MYRIP: variants seen among roughly 807,000 people sequenced by gnomAD.
The protein encoded by MYRIP is rab effector MyRIP.
Under a neutral mutation model 98.0 loss-of-function variants are expected in MYRIP, and 49 were observed. The ratio of observed to expected loss-of-function variants is 0.50; its 90% CI spans 0.40 to 0.63. The LOEUF is 0.63. Among genes scored for constraint, MYRIP ranks in the 30% least tolerant of loss-of-function variants. MYRIP has a pLI of 0.00. For synonymous variants in MYRIP, 404 were observed against 409.5 expected (o/e 0.99, Z 0.16); for missense variants, 1,004 against 1,058.2 (o/e 0.95, Z 0.71).
At chr3:39,901,014 C>A in intron 2 of MYRIP, 88 bp downstream of exon 2, 1 of 952,190 alleles carries the variant, frequency 1.1e-6, no homozygotes, top group Non-Finnish European at 1.6e-6. Flanking sequence ...CTCCTGCTAG[C>A]CCTGAGTTTG....
intron 2 of MYRIP, among the ~76,000 whole-genome samples, chr3:39,939,492 A>C (rs539118819): frequency 6.6e-6 from 1 of 152,300 alleles, no homozygotes; most frequent in East Asian, 1.9e-4. Context: ...ACACGTGCTT[A>C]TCTGCACGTG....
intron 10 of MYRIP, among the ~76,000 whole-genome samples, chr3:40,198,472 A>T (rs750262576): frequency 2.6e-5 from 4 of 152,154 alleles, no homozygotes; most frequent in African/African-American, 7.2e-5. Context: ...TATATTTAAT[A>T]AAAAAAATTT....
rs147213096 is a variant in MYRIP at position 40,135,687 on chromosome 3, C to T, written c.333-15361C>T. On this transcript the variant is annotated intron_variant, in intron 3 of 16. Transcript: ENST00000302541. ...CCATCAGACTAACAGCTGATCTCTC[C>T]GCAGAAACTCTGCAAGCCAGAAGAC... is the stretch of plus-strand genomic sequence containing the variant. Among the ~76,000 whole-genome samples, 11 of 152,200 alleles carry T rather than the reference C, an allele frequency of 7.2e-5. No homozygotes were observed. The East Asian group carries it at 7.7e-4, about 11-fold the overall frequency.
intron 7 of MYRIP, 138 bp downstream of exon 7, chr3:40,167,377 C>A (rs966802405): frequency 5.2e-6 from 4 of 770,948 alleles, no homozygotes; most frequent in Admixed American, 2.3e-5. Flanking sequence ...GACTTTTGTG[C>A]CCTGGGGACC....
intron 3 of MYRIP, among the ~76,000 whole-genome samples, chr3:40,127,222 T>C (rs1224850319): frequency 6.6e-6 from 1 of 152,240 alleles, no homozygotes; most frequent in African/African-American, 2.4e-5. Context: ...TTAACTATAT[T>C]CAGGTTCTAT....
chr3:40,155,758 T>C (rs1950220735), intron 4 of MYRIP, among the ~76,000 whole-genome samples: 3 of 152,122 alleles, frequency 2.0e-5, no homozygotes, highest in Admixed American at 2.0e-4. Context: ...GCGAGCATTT[T>C]TTCATGTGTT....
At chr3:40,256,149 A>G (rs1224527007) in intron 16 of MYRIP, among the ~76,000 whole-genome samples, 1 of 152,222 alleles carries the variant, frequency 6.6e-6, no homozygotes, top group Non-Finnish European at 1.5e-5. Flanking sequence ...AAATAGCCAC[A>G]TGTAGCTAGT....
At chr3:39,851,380 G>A (rs1389442066) in intron 1 of MYRIP, among the ~76,000 whole-genome samples, 5 of 152,124 alleles carry the variant, frequency 3.3e-5, no homozygotes, top group South Asian at 2.1e-4. Context: ...GAGAATCACT[G>A]GTTTAGTCCA....
At chr3:40,068,765 G>A (rs544838083) in intron 3 of MYRIP, among the ~76,000 whole-genome samples, 16 of 152,252 alleles carry the variant, frequency 1.1e-4, no homozygotes, top group East Asian at 5.8e-4. Context: ...GTTCTAACCC[G>A]TTTCCCCATT....
At position 39,917,027 on chromosome 3, in the gene MYRIP, C is replaced by T. The variant is rs79717948; in HGVS notation, c.110+16101C>T. 8.0e-3 allele frequency among the ~76,000 whole-genome samples: 1,212 copies of T among 152,200 alleles called. 12 individuals carry two copies. Among genetic ancestry groups the T allele is most frequent in the African/African-American group, 0.028 (1,143 of 41,530 alleles). The stretch of plus-strand genomic sequence containing the variant: ...TAACCATTTAAAGCCAAAACTCTCC[C>T]TGAGCAATTGACTAAGTAACTGGTT... On this transcript the variant is annotated intron_variant, in intron 2 of 16. Coordinates refer to ENST00000302541, the MANE Select transcript of MYRIP (RefSeq NM_015460.4).
At chr3:40,077,125 G>A (rs4337589) in intron 3 of MYRIP, among the ~76,000 whole-genome samples, 62,826 of 151,820 alleles carry the variant, frequency 0.41, 13,569 homozygotes, top group Admixed American at 0.48. Context: ...TCCTTCTGGC[G>A]GGTTCGTGGT....
intron 2 of MYRIP, among the ~76,000 whole-genome samples, chr3:39,975,162 A>C (rs1475312647): frequency 1.3e-5 from 2 of 152,226 alleles, no homozygotes; most frequent in Non-Finnish European, 2.9e-5. Flanking sequence ...GTCTCAGCCC[A>C]AAATCTCCTT....
At chr3:40,155,407 T>C (rs1201970449) in intron 4 of MYRIP, among the ~76,000 whole-genome samples, 1 of 151,696 alleles carries the variant, frequency 6.6e-6, no homozygotes, top group African/African-American at 2.4e-5. Context: ...GACATTTGGG[T>C]TGGTTCCAAG....
chr3:40,216,812 A>T (rs965350535), intron 11 of MYRIP, among the ~76,000 whole-genome samples: 8 of 152,192 alleles, frequency 5.3e-5, no homozygotes, highest in African/African-American at 1.7e-4. Flanking sequence ...TTTCTTAATG[A>T]CAACTCATTT....
chr3:40,215,852 T>A (rs775381752), intron 11 of MYRIP, among the ~76,000 whole-genome samples: 18 of 152,192 alleles, frequency 1.2e-4, no homozygotes, highest in Admixed American at 2.6e-4. Context: ...TAACACCTCT[T>A]TCCCAACTGT....
At chr3:39,951,091 G>C (rs1945002740) in intron 2 of MYRIP, among the ~76,000 whole-genome samples, 1 of 152,152 alleles carries the variant, frequency 6.6e-6, no homozygotes, top group Non-Finnish European at 1.5e-5. Flanking sequence ...AGAACAACAA[G>C]AAGTTTTGTC....
intron 2 of MYRIP, among the ~76,000 whole-genome samples, chr3:39,934,009 T>G (rs1362082299): frequency 1.3e-5 from 2 of 152,194 alleles, no homozygotes; most frequent in Non-Finnish European, 2.9e-5. Context: ...TTCTCATGCT[T>G]TAGACCTGTT....
At chr3:40,212,321 G>C (rs889161376) in intron 11 of MYRIP, among the ~76,000 whole-genome samples, 1 of 146,708 alleles carries the variant, frequency 6.8e-6, no homozygotes, top group Non-Finnish European at 1.5e-5. Flanking sequence ...GGGTTCAGGG[G>C]CTCAGCCACA....
chr3:40,026,392 A>C (rs1947130303), intron 2 of MYRIP, among the ~76,000 whole-genome samples: 1 of 152,056 alleles, frequency 6.6e-6, no homozygotes, highest in Non-Finnish European at 1.5e-5. Flanking sequence ...CATGTTTTAC[A>C]ATCAGATTTC....
Sources: gnomAD v4.1 joint callset for allele counts (sites outside exome capture counted in the v4.1 genomes callset) on GRCh38, gnomAD v4.1.1 for gene constraint, MANE v1.5 for transcripts, NCBI Gene and HGNC (gene_info 2026-07-23, HGNC 2026-07-21) for gene names.